The following TNIK variants were observed in gnomAD, a reference collection of about 807,000 sequenced individuals.
TNIK encodes the protein TRAF2 and NCK-interacting protein kinase.
A neutral mutation model predicts 191.3 loss-of-function variants in TNIK; 49 were observed. The observed-to-expected ratio is 0.26, with a 90% CI of 0.20 to 0.32. The LOEUF (loss-of-function observed/expected upper bound fraction) is 0.32, where lower values mean the gene tolerates loss of function less well. Among genes scored for constraint, TNIK ranks in the 10% least tolerant of loss-of-function variants. TNIK has a pLI of 1.00. For missense variants in TNIK, 1,155 were observed against 1,702.3 expected (o/e 0.68, Z 5.66); for synonymous variants, 594 against 600.9 (o/e 0.99, Z 0.17).
rs6807040 is a variant in TNIK at position 171,168,968 on chromosome 3, T to C, written c.774-1698A>G. Among the ~76,000 whole-genome samples, 60 of 152,298 alleles carry C rather than the reference T, an allele frequency of 3.9e-4. 1 individual carries two copies. Among genetic ancestry groups the C allele is most frequent in the African/African-American group, 1.3e-3 (56 of 41,570 alleles). Reference sequence around the variant, plus strand: ...GAGGTTTGGAGAGCGGATATTCTTCTCTTTCTCAGATCAATCAAATAAATC... The same window carrying C: ...GAGGTTTGGAGAGCGGATATTCTTCCCTTTCTCAGATCAATCAAATAAATC... On this transcript the variant is annotated intron_variant, in intron 9 of 32. Coordinates refer to ENST00000436636, the MANE Select transcript of TNIK (RefSeq NM_015028.4).
rs73879522 is a variant in TNIK at position 171,263,865 on chromosome 3, C to T, written c.124-35644G>A. Among the ~76,000 whole-genome samples the T allele has an allele frequency of 5.8e-3, 875 of 151,572 alleles. 8 individuals carry two copies. The highest frequency in any genetic ancestry group is 0.02 in the African/African-American group (840 of 41,310). On this transcript the variant is annotated intron_variant, in intron 2 of 32. Transcript: ENST00000436636. ...TTGGAGGAGGTTATGGAGGGCAGGG[C>T]GGGCAGAGGCCTGGCACACTGGCAG... is the stretch of plus-strand genomic sequence containing the variant.
chr3:171,086,305 T>C (rs1302185591), intron 24 of TNIK, among the ~76,000 whole-genome samples: 1 of 152,206 alleles, frequency 6.6e-6, no homozygotes, highest in Non-Finnish European at 1.5e-5. Flanking sequence ...CAAGGTTGAA[T>C]TCCCCCTACC....
chr3:171,425,873 A>G (rs1173059537), intron 1 of TNIK, among the ~76,000 whole-genome samples: 1 of 151,920 alleles, frequency 6.6e-6, no homozygotes, highest in East Asian at 1.9e-4. Context: ...GCATGTAAAA[A>G]TGCATTCTTT....
At chr3:171,459,245 C>G (rs1475008535) in intron 1 of TNIK, among the ~76,000 whole-genome samples, 1 of 152,068 alleles carries the variant, frequency 6.6e-6, no homozygotes, top group African/African-American at 2.4e-5. Context: ...CACACACACT[C>G]GCACACACTC....
At chr3:171,124,530 G>A (rs13067548) in intron 17 of TNIK, among the ~76,000 whole-genome samples, 17,059 of 152,086 alleles carry the variant, frequency 0.11, 1,293 homozygotes, top group African/African-American at 0.21. Context: ...AAAGGAGTCC[G>A]TTATTTAAAA....
chr3:171,416,795 T>C (rs146701900), intron 1 of TNIK, among the ~76,000 whole-genome samples: 3 of 152,350 alleles, frequency 2.0e-5, no homozygotes, highest in South Asian at 2.1e-4. Context: ...ATGAAAACTA[T>C]ATTTCCTAGG....
At chr3:171,374,254 T>C (rs1716921973) in intron 1 of TNIK, among the ~76,000 whole-genome samples, 1 of 152,184 alleles carries the variant, frequency 6.6e-6, no homozygotes, top group African/African-American at 2.4e-5. Flanking sequence ...TGGACAAAAC[T>C]GTCACATGTA....
At chr3:171,203,963 G>T (rs114119324) in intron 4 of TNIK, among the ~76,000 whole-genome samples, 1 of 152,292 alleles carries the variant, frequency 6.6e-6, no homozygotes, top group African/African-American at 2.4e-5. Context: ...CCTGTTACGA[G>T]ATATTCTAGC....
intron 15 of TNIK, among the ~76,000 whole-genome samples, chr3:171,137,317 T>C (rs1730168523): frequency 1.3e-5 from 2 of 151,604 alleles, no homozygotes; most frequent in South Asian, 4.2e-4. Context: ...GCGTGAGCTA[T>C]CAATATCTAA....
At chr3:171,243,655 T>C (rs963497143) in intron 2 of TNIK, among the ~76,000 whole-genome samples, 2 of 152,340 alleles carry the variant, frequency 1.3e-5, no homozygotes, top group African/African-American at 4.8e-5. Flanking sequence ...ATTTTATTAT[T>C]AAATTATTTA....
chr3:171,356,063 G>T (rs1474900043), intron 2 of TNIK, among the ~76,000 whole-genome samples: 1 of 152,122 alleles, frequency 6.6e-6, no homozygotes, highest in African/African-American at 2.4e-5. Context: ...GGTCTCCAGA[G>T]CAGTAAGATT....
chr3:171,117,122 C>T lies in TNIK; in HGVS notation c.2121-6245G>A, dbSNP rs144712470. On this transcript the variant is annotated intron_variant, in intron 18 of 32. Transcript: ENST00000436636. ...AATGGGTCTCATGAGACAACAACTTCGAAAAGGTAGTAAATATCGCAACAT... is the reference window on the plus strand; with the variant it reads ...AATGGGTCTCATGAGACAACAACTTTGAAAAGGTAGTAAATATCGCAACAT... 4.6e-5 allele frequency among the ~76,000 whole-genome samples: 7 copies of T among 152,134 alleles called. No individual in the cohort carries two copies. The East Asian group carries it at 5.8e-4, about 13-fold the overall frequency.
intron 2 of TNIK, among the ~76,000 whole-genome samples, chr3:171,249,661 A>T (rs1397310867): frequency 6.6e-6 from 1 of 152,222 alleles, no homozygotes; most frequent in African/African-American, 2.4e-5. Flanking sequence ...ACAAATGTCA[A>T]ATTTGCTGCC....
intron 12 of TNIK, among the ~76,000 whole-genome samples, chr3:171,149,703 C>T (rs556900851): frequency 3.0e-4 from 45 of 152,332 alleles, no homozygotes; most frequent in South Asian, 2.1e-4. Context: ...CTCATGGGCA[C>T]GCTTTGTCCT....
chr3:171,146,594 G>A (rs758635026), intron 12 of TNIK, among the ~76,000 whole-genome samples: 3 of 152,112 alleles, frequency 2.0e-5, no homozygotes, highest in Admixed American at 1.3e-4. Flanking sequence ...ACGTAGCAGC[G>A]CTCTGTAAAT....
chr3:171,457,490 G>C (rs893664897), intron 1 of TNIK, among the ~76,000 whole-genome samples: 1 of 152,194 alleles, frequency 6.6e-6, no homozygotes, highest in African/African-American at 2.4e-5. Flanking sequence ...CAGGGGTCAG[G>C]CATTCCCCAG....
intron 18 of TNIK, among the ~76,000 whole-genome samples, chr3:171,114,784 G>A (rs1269985664): frequency 1.3e-5 from 2 of 152,154 alleles, no homozygotes; most frequent in African/African-American, 2.4e-5. Context: ...CCTTTGTGAA[G>A]TAACTATTTT....
In TNIK at chr3:171,136,398, G is replaced by A. The variant is rs73039330; in HGVS notation, c.1608+1793C>T. On this transcript the variant is annotated intron_variant, in intron 15 of 32. Coordinates refer to ENST00000436636, the MANE Select transcript of TNIK (RefSeq NM_015028.4). ...ACTCGGGGCTTGTCACTTTGGAGAC[G>A]TTGGGAGAAGACACACAAATGACCT... Among the ~76,000 whole-genome samples the A allele has an allele frequency of 7.7e-3, 1,175 of 152,326 alleles. 25 individuals carry two copies. The highest frequency in any genetic ancestry group is 0.027 in the African/African-American group (1,113 of 41,574).
At chr3:171,107,549 G>A (rs1725103099) in intron 20 of TNIK, among the ~76,000 whole-genome samples, 1 of 152,028 alleles carries the variant, frequency 6.6e-6, no homozygotes, top group Non-Finnish European at 1.5e-5. Flanking sequence ...GCTACCTGGG[G>A]GTCTATCATG....
Sources: gnomAD v4.1 joint callset for allele counts (sites outside exome capture counted in the v4.1 genomes callset) on GRCh38, gnomAD v4.1.1 for gene constraint, MANE v1.5 for transcripts, NCBI Gene and HGNC (gene_info 2026-07-23, HGNC 2026-07-21) for gene names.